Variants in SIRT1 observed in about 807,000 individuals in gnomAD.
SIRT1 encodes the protein NAD-dependent protein deacetylase sirtuin-1.
Under a neutral mutation model 67.9 loss-of-function variants are expected in SIRT1, and 24 were observed. The ratio of observed to expected loss-of-function variants is 0.35; its 90% CI spans 0.26 to 0.50. The LOEUF (loss-of-function observed/expected upper bound fraction) is 0.50. SIRT1 is among the 20% of genes least tolerant of loss of function. The probability of loss-of-function intolerance (pLI) is 0.98; values close to 1 mark genes in which losing one functional copy is unlikely to be tolerated. For missense variants in SIRT1, 873 were observed against 937.2 expected (o/e 0.93, Z 0.89); for synonymous variants, 378 against 350.7 (o/e 1.08, Z -0.87).
intron 3 of SIRT1, 106 bp downstream of exon 3, chr10:67,889,229 G>A: frequency 7.7e-7 from 1 of 1,294,008 alleles, no homozygotes; most frequent in Non-Finnish European, 1.0e-6. Flanking sequence ...ACATGATAAT[G>A]GATGTTTGGG....
At position 67,885,069 on chromosome 10, in the gene SIRT1, G is replaced by T; in HGVS notation, c.348G>T (p.Leu116=). The T allele has an allele frequency of 6.9e-7, 1 of 1,439,224 alleles. No individual in the cohort carries two copies. Among genetic ancestry groups the T allele is most frequent in the South Asian group, 1.4e-5 (1 of 72,140 alleles). 89.2% of individuals were successfully genotyped at this position (1,439,224 alleles called of 1,614,324 possible). ...AGGGCCCATCTCGGGAGCCACCGCT[G>T]GCCGACAACTTGTACGACGAAGACG... ...GLQGPSREPP[L]ADNLYDEDDD... The change falls in exon 1 of 9, where the codon CTG becomes CTT. Residue 116 remains leucine, a synonymous_variant. Coordinates refer to ENST00000212015, the MANE Select transcript of SIRT1 (RefSeq NM_012238.5).
At chr10:67,889,307 T>TA (rs766684457) in intron 3 of SIRT1, among the ~76,000 whole-genome samples, 184 bp downstream of exon 3, 1 of 152,140 alleles carries the variant, frequency 6.6e-6, no homozygotes, top group East Asian at 1.9e-4. Context: ...TCTCCAGCCT[T>TA]AAAAAAATAT....
chr10:67,912,579 A>T lies in SIRT1; in HGVS notation c.1463A>T (p.Glu488Val). 1 of 1,614,084 alleles carries T rather than the reference A, an allele frequency of 6.2e-7. No individual in the cohort carries two copies. Among genetic ancestry groups the T allele is most frequent in the Middle Eastern group, 1.6e-4 (1 of 6,062 alleles). ...LLGDCDVIINELCHRLGGEYA... is the reference protein window; with the variant it reads ...LLGDCDVIINVLCHRLGGEYA... The stretch of plus-strand genomic sequence containing the variant: ...GGAGACTGTGATGTCATAATTAATG[A>T]ATTGTGTCATAGGTTAGGTGGTGAA... Residue 488 changes from glutamate to valine, a missense_variant, in exon 8 of 9, where the codon GAA (glutamate) becomes GTA (valine). Transcript: ENST00000212015.
rs1014999057 is a variant in SIRT1, at chr10:67,885,498, A to T, written c.430+347A>T. ...TAGAGCTTTTTTTTTCTTTTTCTTT[A>T]TTTTTTATTTTCATTGCTTTTCTCC... On this transcript the variant is annotated intron_variant, in intron 1 of 8. Coordinates refer to ENST00000212015, the MANE Select transcript of SIRT1 (RefSeq NM_012238.5). The T allele has an allele frequency of 5.7e-6, 5 of 871,830 alleles. No individual in the cohort carries two copies. In the Admixed American group the frequency reaches 2.0e-4, roughly 36 times the overall value. 54.0% of individuals were successfully genotyped at this position (871,830 alleles called of 1,614,324 possible). A position where few individuals can be genotyped will look rare whatever the true frequency, so the allele number is the denominator to read the frequency against.
chr10:67,893,589 C>T (rs1045741064), intron 4 of SIRT1, among the ~76,000 whole-genome samples: 1 of 147,156 alleles, frequency 6.8e-6, no homozygotes, highest in Non-Finnish European at 1.5e-5. Context: ...GTTTCCCAGG[C>T]TGGAGTGTAG....
At chr10:67,910,271 A>G (rs35593242) in intron 7 of SIRT1, among the ~76,000 whole-genome samples, 13,530 of 151,938 alleles carry the variant, frequency 0.089, 1,630 homozygotes, top group African/African-American at 0.27. Context: ...GCTACTTGGG[A>G]GGTTGGGGCA....
intron 8 of SIRT1, 135 bp from the exon 9 acceptor site, chr10:67,916,130 T>A: frequency 1.3e-6 from 1 of 777,284 alleles, no homozygotes; most frequent in Non-Finnish European, 2.0e-6. Context: ...CCCAGTTGTT[T>A]TTAAACACTA....
chr10:67,916,062 C>T (rs998483081), intron 8 of SIRT1, among the ~76,000 whole-genome samples: 3 of 152,172 alleles, frequency 2.0e-5, no homozygotes, highest in South Asian at 2.1e-4. Flanking sequence ...CTCCTGGGCT[C>T]AAGCAGTCCA....
At chr10:67,913,629 A>G (rs1344879749) in intron 8 of SIRT1, among the ~76,000 whole-genome samples, 5 of 152,184 alleles carry the variant, frequency 3.3e-5, no homozygotes, top group East Asian at 1.9e-4. Context: ...GTCTTTATCA[A>G]TAAGTGTTAA....
chr10:67,901,492 A>C (rs1349103216), intron 4 of SIRT1, among the ~76,000 whole-genome samples: 1 of 152,156 alleles, frequency 6.6e-6, no homozygotes, highest in African/African-American at 2.4e-5. Context: ...TTCTGTAGTA[A>C]GGTAGGGCCT....
intron 6 of SIRT1, among the ~76,000 whole-genome samples, 158 bp from the exon 7 acceptor site, chr10:67,909,098 A>T (rs922220838): frequency 6.6e-6 from 1 of 151,784 alleles, no homozygotes; most frequent in Non-Finnish European, 1.5e-5. Context: ...TTAATAAACT[A>T]CCCATCATTG....
chr10:67,896,761 CA>C (rs35899726), intron 4 of SIRT1, among the ~76,000 whole-genome samples: 10,104 of 56,658 alleles, frequency 0.18, 655 homozygotes, highest in East Asian at 0.6. Flanking sequence ...GAATCTGTCT[CA>C]AAAAAAAAAA....
chr10:67,915,281 C>A (rs1269674022), intron 8 of SIRT1, among the ~76,000 whole-genome samples: 10 of 152,098 alleles, frequency 6.6e-5, no homozygotes, highest in Admixed American at 1.3e-4. Context: ...GGATACGGTA[C>A]AATAAATACT....
intron 4 of SIRT1, among the ~76,000 whole-genome samples, chr10:67,893,669 C>T (rs780047204): frequency 1.6e-4 from 24 of 151,946 alleles, no homozygotes; most frequent in African/African-American, 5.3e-4. Flanking sequence ...CTCAGCCTTC[C>T]GAGTTGTTGG....
At chr10:67,888,779 T>TA in intron 2 of SIRT1, 103 bp from the exon 3 acceptor site, 2 of 1,342,728 alleles carry the variant, frequency 1.5e-6, no homozygotes, top group Non-Finnish European at 2.0e-6. Context: ...TTTTCTTACT[T>TA]TGCAAAAAAC....
intron 3 of SIRT1, among the ~76,000 whole-genome samples, chr10:67,889,612 C>G (rs994557721): frequency 2.0e-5 from 3 of 152,122 alleles, no homozygotes; most frequent in African/African-American, 7.2e-5. Flanking sequence ...TTTGATCTAC[C>G]TTAGGGTTGC....
chr10:67,900,504 G>A (rs2131868749), intron 4 of SIRT1, among the ~76,000 whole-genome samples: 2 of 152,272 alleles, frequency 1.3e-5, no homozygotes, highest in South Asian at 4.1e-4. Flanking sequence ...GTGTAGTAGT[G>A]TGATCTTACA....
Position 67,917,556 on chromosome 10 carries a change from A to G in SIRT1, c.*963A>G, listed in dbSNP as rs201966906. 3 of 152,582 alleles carry G rather than the reference A, an allele frequency of 2.0e-5. No individual in the cohort carries two copies. Among genetic ancestry groups the G allele is most frequent in the Non-Finnish European group, 4.4e-5 (3 of 68,020 alleles). The allele number at this position is 152,582 out of a possible 1,614,324, so 9.5% of individuals were successfully genotyped here. A position where few individuals can be genotyped will look rare whatever the true frequency, so the allele number is the denominator to read the frequency against. Reference sequence around the variant, plus strand: ...GTACTTCTACTGGGGAGAGTGTAATATTTTGGACTGCTGTTTTCCATTAAT... The same window carrying G: ...GTACTTCTACTGGGGAGAGTGTAATGTTTTGGACTGCTGTTTTCCATTAAT... On this transcript the variant is annotated 3_prime_UTR_variant, in exon 9 of 9. Transcript: ENST00000212015.
In SIRT1 at chr10:67,916,802, TA is replaced by T. The variant is rs145705395; in HGVS notation, c.*220del. ...AACTCAACACTAACTTTTTTTTTTTTAAAAAAAAAAAGGTACTAAGTATCTT... is the reference window on the plus strand; with the variant it reads ...AACTCAACACTAACTTTTTTTTTTTTAAAAAAAAAAGGTACTAAGTATCTT... On this transcript the variant is annotated 3_prime_UTR_variant, in exon 9 of 9. Transcript: ENST00000212015. 8,861 of 280,806 alleles carry T rather than the reference TA, an allele frequency of 0.032. 262 individuals carry two copies. Among genetic ancestry groups the T allele is most frequent in the African/African-American group, 0.12 (5,100 of 43,022 alleles). 17.4% of individuals were successfully genotyped at this position (280,806 alleles called of 1,614,324 possible). A position where few individuals can be genotyped will look rare whatever the true frequency, so the allele number is the denominator to read the frequency against.
Sources: allele counts gnomAD v4.1 joint callset (sites outside exome capture counted in the v4.1 genomes callset), GRCh38; gene constraint gnomAD v4.1.1; transcripts MANE v1.5; gene names NCBI Gene and HGNC (gene_info 2026-07-23, HGNC 2026-07-21).